NAALADL2: variants seen among roughly 807,000 people sequenced by gnomAD.
The protein encoded by NAALADL2 is N-acetylated alpha-linked acidic dipeptidase like 2, also known as inactive N-acetylated-alpha-linked acidic dipeptidase-like protein 2.
NAALADL2 carries 76 observed loss-of-function variants against 87.2 expected under a neutral mutation model. That is an observed-to-expected ratio of 0.87 (90% CI 0.72 to 1.05). NAALADL2 has a LOEUF of 1.05. Ranked by LOEUF, NAALADL2 falls within the 50% of genes least tolerant of loss-of-function variation. The probability of loss-of-function intolerance (pLI) is 0.00; values close to 1 mark genes in which losing one functional copy is unlikely to be tolerated. For synonymous variants in NAALADL2, 354 were observed against 331.0 expected, an observed-to-expected ratio of 1.07 and a Z score of -0.75; for missense variants, 1,089 against 945.8, an observed-to-expected ratio of 1.15 and a Z score of -1.99.
intron 9 of NAALADL2, among the ~76,000 whole-genome samples, chr3:175,473,586 A>G (rs1436145134): frequency 6.6e-6 from 1 of 151,768 alleles, no homozygotes; most frequent in East Asian, 1.9e-4. Flanking sequence ...ATTCTCATAC[A>G]AAAATTTAAT....
At chr3:175,419,720 T>C (rs1167212659) in intron 5 of NAALADL2, among the ~76,000 whole-genome samples, 1 of 152,092 alleles carries the variant, frequency 6.6e-6, no homozygotes, top group East Asian at 1.9e-4. Flanking sequence ...GATATAAGTA[T>C]TTAAGAAATT....
intron 5 of NAALADL2, among the ~76,000 whole-genome samples, chr3:175,338,483 T>C (rs1762221952): frequency 6.6e-6 from 1 of 150,420 alleles, no homozygotes; most frequent in African/African-American, 2.4e-5. Context: ...TAGGTCCCCG[T>C]CCCTGTGAGG....
chr3:175,207,082 CG>C (rs1173596424), intron 2 of NAALADL2, among the ~76,000 whole-genome samples: 4 of 151,868 alleles, frequency 2.6e-5, no homozygotes, highest in Admixed American at 2.6e-4. Context: ...AACATAAAGA[CG>C]GGTTGAATGA....
intron 5 of NAALADL2, among the ~76,000 whole-genome samples, chr3:175,390,103 T>TA (rs1279908982): frequency 6.6e-6 from 1 of 151,874 alleles, no homozygotes; most frequent in Non-Finnish European, 1.5e-5. Flanking sequence ...GCCAAGGTAA[T>TA]AAAAATTCAC....
intron 1 of NAALADL2, among the ~76,000 whole-genome samples, chr3:174,519,667 A>G (rs1346194313): frequency 6.6e-6 from 1 of 151,388 alleles, no homozygotes; most frequent in Non-Finnish European, 1.5e-5. Context: ...TTCATGTATT[A>G]CCCTTCTCTT....
intron 2 of NAALADL2, among the ~76,000 whole-genome samples, chr3:175,133,116 A>G: frequency 1.4e-5 from 2 of 140,122 alleles, no homozygotes; most frequent in African/African-American, 5.5e-5. Flanking sequence ...CCCACATCTC[A>G]GACGATGGGC....
At chr3:175,594,135 C>T (rs953635100) in intron 10 of NAALADL2, among the ~76,000 whole-genome samples, 9 of 152,070 alleles carry the variant, frequency 5.9e-5, no homozygotes, top group Non-Finnish European at 1.2e-4. Context: ...TTTCAACCCA[C>T]GCACGCCTCC....
At chr3:175,288,906 TA>T (rs980639419) in intron 4 of NAALADL2, among the ~76,000 whole-genome samples, 3 of 152,150 alleles carry the variant, frequency 2.0e-5, no homozygotes, top group African/African-American at 7.2e-5. Context: ...TTCATTTTGG[TA>T]AAACAGGCTA....
intron 1 of NAALADL2, among the ~76,000 whole-genome samples, chr3:174,867,918 C>G (rs10513725): frequency 0.19 from 28,545 of 151,808 alleles, 3,623 homozygotes; most frequent in African/African-American, 0.35. Flanking sequence ...CAGTGACTCT[C>G]GTTGGATTAC....
At chr3:174,943,317 G>T (rs4472054) in intron 1 of NAALADL2, among the ~76,000 whole-genome samples, 152,282 of 152,286 alleles carry the variant, frequency 1, 76,139 homozygotes, top group Middle Eastern at 1. Context: ...GTAATTTTGA[G>T]GTTGAAGCTT....
At chr3:174,493,759 CTCAA>C (rs1304108065) in intron 1 of NAALADL2, among the ~76,000 whole-genome samples, 2 of 152,146 alleles carry the variant, frequency 1.3e-5, no homozygotes, top group Non-Finnish European at 2.9e-5. Flanking sequence ...TCCTTATTTT[CTCAA>C]TCAATATGTT....
At chr3:175,756,065 G>A (rs1747228124) in intron 13 of NAALADL2, among the ~76,000 whole-genome samples, 1 of 152,036 alleles carries the variant, frequency 6.6e-6, no homozygotes, top group South Asian at 2.1e-4. Context: ...AAGTTTAAAA[G>A]ATTATGGTAC....
At chr3:175,546,557 G>C (rs1245820185) in intron 9 of NAALADL2, among the ~76,000 whole-genome samples, 1 of 152,016 alleles carries the variant, frequency 6.6e-6, no homozygotes, top group Non-Finnish European at 1.5e-5. Context: ...GCTTCCCTCA[G>C]GGGCTCTTAT....
intron 3 of NAALADL2, among the ~76,000 whole-genome samples, chr3:174,794,572 T>C (rs892687282): frequency 6.6e-6 from 1 of 152,180 alleles, no homozygotes; most frequent in African/African-American, 2.4e-5. Context: ...CTTTTTCTTA[T>C]TTAAGTTTTG....
chr3:175,571,240 G>C (rs755444502), intron 9 of NAALADL2, among the ~76,000 whole-genome samples: 2 of 152,124 alleles, frequency 1.3e-5, no homozygotes, highest in Non-Finnish European at 2.9e-5. Flanking sequence ...CTGAGGTAGT[G>C]ATTTCATTTC....
chr3:175,116,251 A>G (rs1371472366), intron 2 of NAALADL2, among the ~76,000 whole-genome samples: 2 of 151,982 alleles, frequency 1.3e-5, no homozygotes, highest in Non-Finnish European at 2.9e-5. Context: ...GGCAAGAGAA[A>G]GAAATAAAGG....
At chr3:174,823,194 T>G (rs1457101199) in intron 3 of NAALADL2, among the ~76,000 whole-genome samples, 1 of 151,668 alleles carries the variant, frequency 6.6e-6, no homozygotes, top group African/African-American at 2.4e-5. Context: ...TTTTCCTTTT[T>G]GTTGTTGTTG....
intron 1 of NAALADL2, among the ~76,000 whole-genome samples, chr3:174,931,715 T>C (rs533181532): frequency 9.2e-5 from 14 of 152,234 alleles, no homozygotes; most frequent in African/African-American, 3.1e-4. Context: ...ACATGGATAT[T>C]TAAAAAGTGT....
chr3:175,347,767 G>C (rs1041667137), intron 5 of NAALADL2, among the ~76,000 whole-genome samples: 1 of 151,968 alleles, frequency 6.6e-6, no homozygotes, highest in South Asian at 2.1e-4. Context: ...TTAAGTTCTG[G>C]GGTACATGTG....
Sources: gnomAD v4.1 joint callset for allele counts (sites outside exome capture counted in the v4.1 genomes callset) on GRCh38, gnomAD v4.1.1 for gene constraint, MANE v1.5 for transcripts, NCBI Gene and HGNC (gene_info 2026-07-23, HGNC 2026-07-21) for gene names.